Variants in DSCAM observed in about 807,000 individuals in gnomAD.
DSCAM encodes DS cell adhesion molecule.
In DSCAM, 47 loss-of-function variants were observed where a neutral mutation model predicts 217.7. The ratio of observed to expected loss-of-function variants is 0.22; its 90% CI spans 0.17 to 0.28. The LOEUF (loss-of-function observed/expected upper bound fraction) is 0.28, where lower values mean the gene tolerates loss of function less well. Ranked by LOEUF, DSCAM falls within the 10% of genes least tolerant of loss-of-function variation. DSCAM has a pLI of 1.00. For synonymous variants in DSCAM, 1,056 were observed against 1,015.3 expected (o/e 1.04, Z -0.76); for missense variants, 2,080 against 2,618.3 (o/e 0.79, Z 4.49).
intron 1 of DSCAM, among the ~76,000 whole-genome samples, chr21:40,780,419 G>A (rs1287861712): frequency 0.32 from 12,110 of 38,114 alleles, 1,132 homozygotes; most frequent in Non-Finnish European, 0.36. Flanking sequence ...GTGTGTGTGT[G>A]TGTGTATATA....
intron 20 of DSCAM, among the ~76,000 whole-genome samples, chr21:40,114,809 C>A (rs149523507): frequency 0.021 from 3,271 of 152,224 alleles, 132 homozygotes; most frequent in African/African-American, 0.074. Context: ...AGACACATGA[C>A]AAAATGCTCA....
chr21:40,701,324 C>A (rs2090654421), intron 2 of DSCAM, among the ~76,000 whole-genome samples: 2 of 152,114 alleles, frequency 1.3e-5, no homozygotes, highest in Admixed American at 1.3e-4. Context: ...TTTACCAACT[C>A]TCTCACTTTT....
At chr21:40,284,020 G>A (rs2073796059) in intron 10 of DSCAM, among the ~76,000 whole-genome samples, 1 of 152,166 alleles carries the variant, frequency 6.6e-6, no homozygotes, top group African/African-American at 2.4e-5. Context: ...AGAGAGTGGT[G>A]TTTTCCTCAA....
At chr21:40,217,355 AGCC>A (rs1172533965) in intron 11 of DSCAM, among the ~76,000 whole-genome samples, 2 of 152,200 alleles carry the variant, frequency 1.3e-5, no homozygotes, top group Non-Finnish European at 2.9e-5. Context: ...ATGATTTCTG[AGCC>A]TTGTCAACAT....
Position 40,708,450 on chromosome 21 carries a change from T to C in DSCAM, c.361+4A>G, listed in dbSNP as rs201803250. 1.3e-6 allele frequency: 2 copies of C among 1,492,500 alleles called. No homozygotes were observed. Among genetic ancestry groups the C allele is most frequent in the Admixed American group, 2.3e-5 (1 of 43,944 alleles). The allele number at this position is 1,492,500 out of a possible 1,614,324, so 92.5% of individuals were successfully genotyped here. A position where few individuals can be genotyped will look rare whatever the true frequency, so the allele number is the denominator to read the frequency against. Reference sequence around the variant, plus strand: ...GAAAAAACAAAGCCCAGAGCTGTACTCACCAGCCTTGATGTGGACATCCTG... The same window carrying C: ...GAAAAAACAAAGCCCAGAGCTGTACCCACCAGCCTTGATGTGGACATCCTG... On this transcript the variant is annotated splice_donor_region_variant and intron_variant, in intron 2 of 32. Coordinates refer to ENST00000400454, the MANE Select transcript of DSCAM (RefSeq NM_001389.5).
At chr21:40,102,052 C>CT (rs1433946059) in intron 20 of DSCAM, among the ~76,000 whole-genome samples, 1 of 151,480 alleles carries the variant, frequency 6.6e-6, no homozygotes. Context: ...AGGCAAGTTC[C>CT]TGCCCCCGGG....
intron 3 of DSCAM, among the ~76,000 whole-genome samples, chr21:40,482,022 A>T (rs912095563): frequency 6.6e-6 from 1 of 152,208 alleles, no homozygotes; most frequent in African/African-American, 2.4e-5. Context: ...AAGTGTCTGA[A>T]GTCACTATAA....
chr21:40,598,359 T>A (rs2077036947), intron 3 of DSCAM, among the ~76,000 whole-genome samples: 1 of 152,186 alleles, frequency 6.6e-6, no homozygotes. Flanking sequence ...TGATTTTAGT[T>A]CGGTTGCCTT....
chr21:40,046,132 G>A (rs16999210), intron 30 of DSCAM, among the ~76,000 whole-genome samples: 5 of 152,188 alleles, frequency 3.3e-5, no homozygotes, highest in African/African-American at 1.2e-4. Flanking sequence ...CATGACCTTG[G>A]CTTGCTTATA....
chr21:40,140,223 T>C (rs1244608506), intron 18 of DSCAM, among the ~76,000 whole-genome samples: 1 of 152,136 alleles, frequency 6.6e-6, no homozygotes, highest in Non-Finnish European at 1.5e-5. Context: ...GAAGGTTTCT[T>C]GCTTATCTTT....
chr21:40,530,482 T>C (rs1290964315), intron 3 of DSCAM, among the ~76,000 whole-genome samples: 2 of 152,218 alleles, frequency 1.3e-5, no homozygotes, highest in African/African-American at 4.8e-5. Flanking sequence ...CTCTATCCCA[T>C]TCTGTGTCAT....
At chr21:40,514,587 T>A (rs1459900533) in intron 3 of DSCAM, among the ~76,000 whole-genome samples, 1 of 152,244 alleles carries the variant, frequency 6.6e-6, no homozygotes, top group African/African-American at 2.4e-5. Flanking sequence ...CATATTCTAA[T>A]GTTCTGCAGC....
rs1224229346 is a variant in DSCAM at position 40,637,608 on chromosome 21, TATATATAAATATATAC to T, written c.508+55186_508+55201del. ...ATACATATATAAATATATATATAAATATATATAAATATATACATATATAAATATATATAAATATATA... is the reference window on the plus strand; with the variant it reads ...ATACATATATAAATATATATATAAATATATATAAATATATATAAATATATA... On this transcript the variant is annotated intron_variant, in intron 3 of 32. Coordinates refer to ENST00000400454, the MANE Select transcript of DSCAM (RefSeq NM_001389.5). Among the ~76,000 whole-genome samples the T allele has an allele frequency of 4.1e-5, 2 of 49,300 alleles. 1 individual carries two copies. Among genetic ancestry groups the T allele is most frequent in the African/African-American group, 1.4e-4 (2 of 14,518 alleles). The allele number at this position is 49,300 out of a possible 152,430, so 32.3% of individuals were successfully genotyped here. A position where few individuals can be genotyped will look rare whatever the true frequency, so the allele number is the denominator to read the frequency against.
In DSCAM at chr21:40,179,089, A is replaced by G. The variant is rs1226147979; in HGVS notation, c.2785T>C (p.Trp929Arg). ...TCTTTGGTTCTCTGAGCAGAATCCC[A>G]GGAGTCTTTTGGGTTTTGTTTTTCA... ...DIECKNKSDS[W>R]DSAQRTKDVS... Residue 929 changes from tryptophan to arginine, a missense_variant, in exon 15 of 33, where the codon TGG (tryptophan) becomes CGG (arginine). Trp to Arg is a moderately radical substitution (Grantham distance 101, BLOSUM62 -3). Coordinates refer to ENST00000400454, the MANE Select transcript of DSCAM (RefSeq NM_001389.5). 6.3e-7 allele frequency: 1 copy of G among 1,592,520 alleles called. No individual in the cohort carries two copies. Among genetic ancestry groups the G allele is most frequent in the Non-Finnish European group, 8.6e-7 (1 of 1,167,912 alleles).
At position 40,633,307 on chromosome 21, in the gene DSCAM, G is replaced by A. The variant is rs548224410; in HGVS notation, c.508+59503C>T. Among the ~76,000 whole-genome samples the A allele has an allele frequency of 1.1e-3, 163 of 152,228 alleles. 1 individual carries two copies. The highest frequency in any genetic ancestry group is 3.4e-3 in the African/African-American group (143 of 41,544). ...TGCACACAACGTATAATCAAATGGCGGTGGTCCTGAGAGGAAGGCGGTGAC... is the reference window on the plus strand; with the variant it reads ...TGCACACAACGTATAATCAAATGGCAGTGGTCCTGAGAGGAAGGCGGTGAC... On this transcript the variant is annotated intron_variant, in intron 3 of 32. Transcript: ENST00000400454.
intron 1 of DSCAM, among the ~76,000 whole-genome samples, chr21:40,765,299 A>G (rs1167547206): frequency 6.6e-6 from 1 of 152,126 alleles, no homozygotes; most frequent in Non-Finnish European, 1.5e-5. Context: ...TTGGAGGCAA[A>G]TCATGAAGGC....
At chr21:40,109,809 C>G (rs1432689233) in intron 20 of DSCAM, among the ~76,000 whole-genome samples, 1 of 152,216 alleles carries the variant, frequency 6.6e-6, no homozygotes, top group Non-Finnish European at 1.5e-5. Flanking sequence ...CCCACAGAGC[C>G]TCACTCATTG....
chr21:40,388,039 G>A (rs547880461), intron 3 of DSCAM, among the ~76,000 whole-genome samples: 3 of 152,084 alleles, frequency 2.0e-5, no homozygotes, highest in Non-Finnish European at 4.4e-5. Context: ...GAGACTTGAA[G>A]GAGAGATAGA....
chr21:40,757,260 C>T (rs180824102), intron 1 of DSCAM, among the ~76,000 whole-genome samples: 177 of 151,836 alleles, frequency 1.2e-3, no homozygotes, highest in African/African-American at 4.1e-3. Context: ...CTCCTGACCT[C>T]GTGATCCACC....
Sources: allele counts gnomAD v4.1 joint callset (sites outside exome capture counted in the v4.1 genomes callset), GRCh38; gene constraint gnomAD v4.1.1; transcripts MANE v1.5; gene names NCBI Gene and HGNC (gene_info 2026-07-23, HGNC 2026-07-21).